SRBD1: variants seen among roughly 807,000 people sequenced by gnomAD.
SRBD1 encodes S1 RNA binding domain 1, also known as S1 RNA-binding domain-containing protein 1.
A neutral mutation model predicts 115.3 loss-of-function variants in SRBD1; 88 were observed. The observed-to-expected ratio is 0.76, with a 90% CI of 0.64 to 0.91. The LOEUF (loss-of-function observed/expected upper bound fraction) is 0.91, where lower values mean the gene tolerates loss of function less well. SRBD1 is among the 40% of genes least tolerant of loss of function. SRBD1 has a pLI of 0.00. For synonymous variants in SRBD1, 509 were observed against 407.7 expected, an observed-to-expected ratio of 1.25 and a Z score of -2.99; for missense variants, 1,385 against 1,177.4, an observed-to-expected ratio of 1.18 and a Z score of -2.58.
intron 11 of SRBD1, among the ~76,000 whole-genome samples, chr2:45,552,879 A>T (rs112845605): frequency 0.012 from 1,863 of 152,298 alleles, 40 homozygotes; most frequent in African/African-American, 0.043. Flanking sequence ...AAGAGAAACA[A>T]GCCCTACATA....
intron 14 of SRBD1, among the ~76,000 whole-genome samples, chr2:45,527,427 A>C (rs1671479405): frequency 1.3e-5 from 2 of 152,014 alleles, no homozygotes; most frequent in South Asian, 2.1e-4. Context: ...TTCTAACCTG[A>C]GATAAATTAG....
chr2:45,593,178 T>C (rs1163011941), intron 4 of SRBD1, among the ~76,000 whole-genome samples: 1 of 152,206 alleles, frequency 6.6e-6, no homozygotes, highest in East Asian at 1.9e-4. Context: ...CTATAGAGTC[T>C]ATTACGTTCC....
intron 20 of SRBD1, among the ~76,000 whole-genome samples, chr2:45,391,061 A>G (rs1222666083): frequency 2.0e-5 from 3 of 152,152 alleles, no homozygotes; most frequent in African/African-American, 7.2e-5. Context: ...TTATGCTTGG[A>G]AATTCTTTCT....
At chr2:45,419,205 G>A (rs1247729042) in intron 17 of SRBD1, among the ~76,000 whole-genome samples, 1 of 152,206 alleles carries the variant, frequency 6.6e-6, no homozygotes, top group Non-Finnish European at 1.5e-5. Flanking sequence ...ACCTGTTTCA[G>A]TGAAAACGGT....
At chr2:45,441,368 T>C (rs1668663080) in intron 16 of SRBD1, among the ~76,000 whole-genome samples, 1 of 152,202 alleles carries the variant, frequency 6.6e-6, no homozygotes, top group African/African-American at 2.4e-5. Flanking sequence ...CCATTTCCTA[T>C]TTTATCCATA....
At chr2:45,546,175 A>AG (rs760870136) in intron 14 of SRBD1, 4 of 985,460 alleles carry the variant, frequency 4.1e-6, no homozygotes, top group Non-Finnish European at 4.8e-6. Flanking sequence ...CTACAAATGC[A>AG]GGGGCAAGAC....
chr2:45,578,779 A>G (rs1311061289), intron 7 of SRBD1, among the ~76,000 whole-genome samples: 1 of 152,212 alleles, frequency 6.6e-6, no homozygotes, highest in African/African-American at 2.4e-5. Context: ...TCTAACATAC[A>G]ACACGGGGGC....
At position 45,501,510 on chromosome 2, in the gene SRBD1, C is replaced by T. The variant is rs933496858; in HGVS notation, c.1875-13179G>A. Among the ~76,000 whole-genome samples, 12 of 152,292 alleles carry T rather than the reference C, an allele frequency of 7.9e-5. No individual in the cohort carries two copies. The East Asian group carries it at 1.2e-3, about 15-fold the overall frequency. ...GCAAGGCATCGCCTCACCCAGGAAG[C>T]GCAAGGAGTCAAGGAATTCCCTTTC... On this transcript the variant is annotated intron_variant, in intron 14 of 20. Coordinates refer to ENST00000263736, the MANE Select transcript of SRBD1 (RefSeq NM_018079.5).
intron 16 of SRBD1, among the ~76,000 whole-genome samples, chr2:45,469,376 A>C (rs543736387): frequency 5.3e-5 from 8 of 152,332 alleles, no homozygotes; most frequent in African/African-American, 1.9e-4. Context: ...TTGAAACTGA[A>C]ATGGATCTAG....
At chr2:45,580,454 T>G (rs1269234443) in intron 6 of SRBD1, among the ~76,000 whole-genome samples, 1 of 151,210 alleles carries the variant, frequency 6.6e-6, no homozygotes, top group African/African-American at 2.4e-5. Flanking sequence ...TAAGTGATTC[T>G]CTTGCCTCAG....
intron 19 of SRBD1, among the ~76,000 whole-genome samples, chr2:45,412,487 C>T (rs1667632258): frequency 6.6e-6 from 1 of 151,964 alleles, no homozygotes; most frequent in African/African-American, 2.4e-5. Flanking sequence ...AAAATATTCA[C>T]TATATTTGTT....
intron 14 of SRBD1, among the ~76,000 whole-genome samples, chr2:45,532,053 A>G (rs1671629742): frequency 6.9e-6 from 1 of 145,276 alleles, no homozygotes; most frequent in Non-Finnish European, 1.5e-5. Context: ...CTCCAACCCA[A>G]AGAAAAACAC....
intron 2 of SRBD1, among the ~76,000 whole-genome samples, chr2:45,604,744 T>A (rs572092091): frequency 2.0e-5 from 3 of 152,310 alleles, no homozygotes; most frequent in Admixed American, 2.0e-4. Flanking sequence ...CTATCCAAAA[T>A]GCCCCCCGAC....
intron 15 of SRBD1, among the ~76,000 whole-genome samples, chr2:45,485,703 G>A (rs1670096956): frequency 6.6e-6 from 1 of 152,094 alleles, no homozygotes; most frequent in African/African-American, 2.4e-5. Context: ...AAATTTTGAA[G>A]TTCTGTTATA....
chr2:45,611,147 A>G (rs1294101391), intron 1 of SRBD1, 72 bp downstream of exon 1: 1 of 152,220 alleles, frequency 6.6e-6, no homozygotes, highest in African/African-American at 2.4e-5. Context: ...AATGGCCCCA[A>G]AGATCCCGGA....
At chr2:45,534,022 G>C (rs546401779) in intron 14 of SRBD1, among the ~76,000 whole-genome samples, 4 of 152,064 alleles carry the variant, frequency 2.6e-5, no homozygotes, top group African/African-American at 9.6e-5. Context: ...GCTACAGTGA[G>C]GGGGTGGGGT....
At position 45,405,552 on chromosome 2, in the gene SRBD1, T is replaced by C. The variant is rs184096059; in HGVS notation, c.2513+7562A>G. 2.0e-3 allele frequency among the ~76,000 whole-genome samples: 297 copies of C among 152,224 alleles called. 2 individuals are homozygous for C. The highest frequency in any genetic ancestry group is 6.7e-3 in the African/African-American group (278 of 41,544). On this transcript the variant is annotated intron_variant, in intron 19 of 20. Coordinates refer to ENST00000263736, the MANE Select transcript of SRBD1 (RefSeq NM_018079.5). ...AAGACATAGGATTTGAATTATATAG[T>C]CAGGTAAGAGATACAGATGGTCATG...
At chr2:45,474,880 C>T (rs1398091974) in intron 16 of SRBD1, among the ~76,000 whole-genome samples, 1 of 152,060 alleles carries the variant, frequency 6.6e-6, no homozygotes, top group Non-Finnish European at 1.5e-5. Flanking sequence ...ACATGTACAC[C>T]TTTTCTGTCA....
chr2:45,607,295 A>C (rs1674303523), intron 1 of SRBD1, among the ~76,000 whole-genome samples: 1 of 152,186 alleles, frequency 6.6e-6, no homozygotes, highest in Non-Finnish European at 1.5e-5. Flanking sequence ...CAGGGTAAAA[A>C]TGGATTATTC....
Sources: allele counts gnomAD v4.1 joint callset (sites outside exome capture counted in the v4.1 genomes callset), GRCh38; gene constraint gnomAD v4.1.1; transcripts MANE v1.5; gene names NCBI Gene and HGNC (gene_info 2026-07-23, HGNC 2026-07-21).